The following GALNT18 variants were observed in gnomAD, a reference collection of about 807,000 sequenced individuals.
The protein encoded by GALNT18 is polypeptide N-acetylgalactosaminyltransferase 18.
In GALNT18, 44 loss-of-function variants were observed where a neutral mutation model predicts 69.5. The observed-to-expected ratio is 0.63, with a 90% CI of 0.50 to 0.81. The LOEUF (loss-of-function observed/expected upper bound fraction) is 0.81. GALNT18 is among the 40% of genes least tolerant of loss of function. GALNT18 has a pLI of 0.00. For missense variants in GALNT18, 715 were observed against 810.0 expected (o/e 0.88, Z 1.42); for synonymous variants, 364 against 318.2 (o/e 1.14, Z -1.53).
chr11:11,610,272 G>C (rs956474070), intron 1 of GALNT18, among the ~76,000 whole-genome samples: 2 of 152,230 alleles, frequency 1.3e-5, no homozygotes, highest in African/African-American at 4.8e-5. Flanking sequence ...TTAGCCCCTT[G>C]CTAAGGAGCT....
intron 1 of GALNT18, among the ~76,000 whole-genome samples, chr11:11,486,972 C>T (rs1211121277): frequency 1.3e-5 from 2 of 152,202 alleles, no homozygotes; most frequent in African/African-American, 4.8e-5. Context: ...ACTGTGGTTT[C>T]CCCAGCCACC....
chr11:11,524,478 A>T (rs1857473867), intron 1 of GALNT18, among the ~76,000 whole-genome samples: 1 of 152,212 alleles, frequency 6.6e-6, no homozygotes, highest in Non-Finnish European at 1.5e-5. Flanking sequence ...TCAATGGGAT[A>T]TGATATAAAC....
intron 3 of GALNT18, among the ~76,000 whole-genome samples, chr11:11,424,536 T>C (rs1855082990): frequency 6.6e-6 from 1 of 152,138 alleles, no homozygotes; most frequent in African/African-American, 2.4e-5. Context: ...GTCAACAAAA[T>C]TGACAGAATG....
In GALNT18 at chr11:11,461,545, A is replaced by C. The variant is rs1282686324; in HGVS notation, c.236-12609T>G. On this transcript the variant is annotated intron_variant, in intron 1 of 10. Coordinates refer to ENST00000227756, the MANE Select transcript of GALNT18 (RefSeq NM_198516.3). This position sits in a 1 kb window ranked among gnomAD's most constrained non-coding sequence, Gnocchi z 4.1. ...GGAGAGATATAATAAACTCTGAAGC[A>C]CATACCGTTATCCCCCCCGCTCCCG... 5.3e-5 allele frequency among the ~76,000 whole-genome samples: 8 copies of C among 152,298 alleles called. No individual in the cohort carries two copies. Among genetic ancestry groups the C allele is most frequent in the Middle Eastern group, 3.4e-3 (1 of 294 alleles).
Position 11,555,299 on chromosome 11 carries a change from C to G in GALNT18, c.235+66060G>C, listed in dbSNP as rs1298506244. Among the ~76,000 whole-genome samples the G allele has an allele frequency of 6.6e-6, 1 of 152,192 alleles. No individual in the cohort carries two copies. Among genetic ancestry groups the G allele is most frequent in the African/African-American group, 2.4e-5 (1 of 41,450 alleles). ...GCAGGGTTCTCTGTTTTCAGGAGAT[C>G]TAGCTAGAGAGCATTTTCCTGACAC... On this transcript the variant is annotated intron_variant, in intron 1 of 10. Coordinates refer to ENST00000227756, the MANE Select transcript of GALNT18 (RefSeq NM_198516.3). This position sits in a 1 kb window ranked among gnomAD's most constrained non-coding sequence, Gnocchi z 4.7.
intron 1 of GALNT18, among the ~76,000 whole-genome samples, chr11:11,522,262 G>A (rs943472001): frequency 6.6e-6 from 1 of 152,128 alleles, no homozygotes; most frequent in Non-Finnish European, 1.5e-5. Context: ...CAAACTCTAT[G>A]CCCCATCTCT....
chr11:11,471,650 A>G (rs928519159), intron 1 of GALNT18, among the ~76,000 whole-genome samples: 1 of 152,240 alleles, frequency 6.6e-6, no homozygotes, highest in African/African-American at 2.4e-5. Flanking sequence ...CTTGGCACAC[A>G]AAGTAAAAAT....
intron 5 of GALNT18, among the ~76,000 whole-genome samples, chr11:11,373,498 G>C (rs751354548): frequency 6.6e-6 from 1 of 152,212 alleles, no homozygotes; most frequent in Non-Finnish European, 1.5e-5. Context: ...GGTTTCAAAA[G>C]AAAGAAGCAT....
chr11:11,472,028 T>C (rs1856284104), intron 1 of GALNT18, among the ~76,000 whole-genome samples: 1 of 152,126 alleles, frequency 6.6e-6, no homozygotes, highest in Admixed American at 6.5e-5. Flanking sequence ...CAGGAAACAA[T>C]TTGGGTTTTA....
chr11:11,453,208 G>A (rs75051832), intron 1 of GALNT18, among the ~76,000 whole-genome samples: 2,924 of 152,232 alleles, frequency 0.019, 41 homozygotes, highest in South Asian at 0.039. Flanking sequence ...CCCCAAGTAC[G>A]GCCTGAGGAG....
At chr11:11,293,547 T>C (rs998629246) in intron 9 of GALNT18, among the ~76,000 whole-genome samples, 1 of 143,318 alleles carries the variant, frequency 7.0e-6, no homozygotes, top group Non-Finnish European at 1.5e-5. Flanking sequence ...TTTTTTTTTT[T>C]TTTTTTTTTT....
Position 11,352,195 on chromosome 11 carries a change from G to T in GALNT18, c.1093-11191C>A, listed in dbSNP as rs572288829. On this transcript the variant is annotated intron_variant, in intron 6 of 10. Transcript: ENST00000227756. Reference sequence around the variant, plus strand: ...TCTCTTGCAGTAAGCCGTGACTGGTGGTCATATCGCAGCAGTTTGTCCAGG... The same window carrying T: ...TCTCTTGCAGTAAGCCGTGACTGGTTGTCATATCGCAGCAGTTTGTCCAGG... The T allele has an allele frequency of 1.3e-5, 21 of 1,613,818 alleles. No individual in the cohort carries two copies. In the African/African-American group the frequency reaches 2.1e-4, roughly 16 times the overall value.
intron 9 of GALNT18, among the ~76,000 whole-genome samples, chr11:11,326,843 C>G (rs1045077307): frequency 1.2e-4 from 18 of 152,208 alleles, no homozygotes; most frequent in African/African-American, 4.3e-4. Context: ...TCCTCCTCAT[C>G]ATCCTGGAGG....
intron 10 of GALNT18, among the ~76,000 whole-genome samples, chr11:11,273,109 G>C (rs942022593): frequency 1.6e-4 from 25 of 152,120 alleles, no homozygotes; most frequent in African/African-American, 6.0e-4. Context: ...AAACACTCCA[G>C]AATGTGGGAA....
rs1850199332 is a variant in GALNT18, at chr11:11,341,147, G to A, written c.1093-143C>T. Reference sequence around the variant, plus strand: ...CAGATCACTCTCTGTGAAGGAGTAGGCCATACCTGATTTCTGCTCCTATAG... The same window carrying A: ...CAGATCACTCTCTGTGAAGGAGTAGACCATACCTGATTTCTGCTCCTATAG... On this transcript the variant is annotated intron_variant, in intron 6 of 10. Coordinates refer to ENST00000227756, the MANE Select transcript of GALNT18 (RefSeq NM_198516.3). This position sits in a 1 kb window ranked among gnomAD's most constrained non-coding sequence, Gnocchi z 6.3. The A allele has an allele frequency of 4.5e-6, 3 of 665,806 alleles. No individual in the cohort carries two copies. The highest frequency in any genetic ancestry group is 7.4e-6 in the Non-Finnish European group (3 of 404,500). 41.2% of individuals were successfully genotyped at this position (665,806 alleles called of 1,614,324 possible). A position where few individuals can be genotyped will look rare whatever the true frequency, so the allele number is the denominator to read the frequency against.
At chr11:11,456,392 G>T (rs909266409) in intron 1 of GALNT18, among the ~76,000 whole-genome samples, 2 of 152,204 alleles carry the variant, frequency 1.3e-5, no homozygotes, top group Non-Finnish European at 1.5e-5. Context: ...TCCCCAGGAG[G>T]CTACTCACTT....
At chr11:11,410,635 T>C (rs1354145569) in intron 3 of GALNT18, among the ~76,000 whole-genome samples, 1 of 152,206 alleles carries the variant, frequency 6.6e-6, no homozygotes, top group Admixed American at 6.5e-5. Flanking sequence ...CAGTTTTCAA[T>C]GACACACCTG....
At chr11:11,485,191 C>T (rs1037874789) in intron 1 of GALNT18, among the ~76,000 whole-genome samples, 1 of 152,234 alleles carries the variant, frequency 6.6e-6, no homozygotes, top group South Asian at 2.1e-4. Flanking sequence ...CCAGCAGACA[C>T]CACCTGCGTG....
chr11:11,604,948 T>C lies in GALNT18; in HGVS notation c.235+16411A>G, dbSNP rs1590134037. Among the ~76,000 whole-genome samples, 1 of 151,096 alleles carries C rather than the reference T, an allele frequency of 6.6e-6. No individual in the cohort carries two copies. Among genetic ancestry groups the C allele is most frequent in the African/African-American group, 2.4e-5 (1 of 41,080 alleles). On this transcript the variant is annotated intron_variant, in intron 1 of 10. Coordinates refer to ENST00000227756, the MANE Select transcript of GALNT18 (RefSeq NM_198516.3). The surrounding 1 kb of genome is among the most constrained non-coding windows in gnomAD (Gnocchi z 5.6). ...GCTCCTGGCCGTGAGTCTGCGGAGG[T>C]AAAAAAAAAGAATGGAATAGTCCTT...
Sources: gnomAD v4.1 joint callset for allele counts (sites outside exome capture counted in the v4.1 genomes callset) on GRCh38, gnomAD v4.1.1 for gene constraint, Gnocchi (gnomAD v3.1) non-coding constraint, MANE v1.5 for transcripts, NCBI Gene and HGNC (gene_info 2026-07-23, HGNC 2026-07-21) for gene names.